EPC2: variants seen among roughly 807,000 people sequenced by gnomAD.
EPC2 encodes enhancer of polycomb homolog 2.
Under a neutral mutation model 92.1 loss-of-function variants are expected in EPC2, and 14 were observed. The ratio of observed to expected loss-of-function variants is 0.15; its 90% confidence interval spans 0.10 to 0.24. The LOEUF is 0.24. Among genes scored for constraint, EPC2 ranks in the 10% least tolerant of loss-of-function variants. EPC2 has a pLI of 1.00. For synonymous variants in EPC2, 340 were observed against 334.7 expected (o/e 1.02, Z -0.17); for missense variants, 755 against 971.5 (o/e 0.78, Z 2.96).
chr2:148,753,115 C>G (rs886722701), intron 3 of EPC2, among the ~76,000 whole-genome samples: 1 of 152,126 alleles, frequency 6.6e-6, no homozygotes, highest in Non-Finnish European at 1.5e-5. Flanking sequence ...TTGTCTTATC[C>G]GATCTCGAGG....
At position 148,775,640 on chromosome 2, in the gene EPC2, A is replaced by G. The variant is rs1038236078; in HGVS notation, c.1720+4253A>G. On this transcript the variant is annotated intron_variant, in intron 10 of 13. Transcript: ENST00000258484. The stretch of plus-strand genomic sequence containing the variant: ...TTATTTAAATTAAATATCTTTAATT[A>G]AATAAAATCTTTAAATAAAATTAAA... Among the ~76,000 whole-genome samples, 7 of 148,126 alleles carry G rather than the reference A, an allele frequency of 4.7e-5. No homozygotes were observed. The South Asian group carries it at 1.3e-3, about 26-fold the overall frequency.
chr2:148,744,496 A>G (rs904160554), intron 3 of EPC2, among the ~76,000 whole-genome samples: 1 of 152,112 alleles, frequency 6.6e-6, no homozygotes, highest in Non-Finnish European at 1.5e-5. Flanking sequence ...ACATTATATA[A>G]TATCAGATTT....
intron 1 of EPC2, among the ~76,000 whole-genome samples, chr2:148,653,716 T>A (rs190643244): frequency 1.6e-4 from 25 of 151,866 alleles, no homozygotes; most frequent in Middle Eastern, 6.8e-3. Flanking sequence ...TTTTTTTTTT[T>A]AAATGGGCTA....
At position 148,771,078 on chromosome 2, in the gene EPC2, C is replaced by T. The variant is rs1449980537; in HGVS notation, c.1411C>T (p.Pro471Ser). 6.2e-7 allele frequency: 1 copy of T among 1,611,194 alleles called. No individual in the cohort carries two copies. The highest frequency in any genetic ancestry group is 8.5e-7 in the Non-Finnish European group (1 of 1,178,644). The change falls in exon 10 of 14, where the codon CCA becomes TCA. Residue 471 changes from proline (P) to serine (S), a missense_variant. Pro to Ser is a moderately conservative substitution (Grantham distance 74). This residue lies in a region of EPC2 where 509 missense variants were observed against 607.7 expected (regional missense o/e 0.84). Coordinates refer to ENST00000258484, the MANE Select transcript of EPC2 (RefSeq NM_015630.4). ...GGACCGAATATCCACAGAACATGACCCAGTCCTGAAACAGATAGACCCTGA... is the reference window on the plus strand; with the variant it reads ...GGACCGAATATCCACAGAACATGACTCAGTCCTGAAACAGATAGACCCTGA... ...IMDRISTEHDPVLKQIDPEML... is the reference protein window; with the variant it reads ...IMDRISTEHDSVLKQIDPEML...
At chr2:148,782,505 C>G (rs962133730) in intron 11 of EPC2, among the ~76,000 whole-genome samples, 1 of 151,630 alleles carries the variant, frequency 6.6e-6, no homozygotes, top group Non-Finnish European at 1.5e-5. Context: ...CCACTGCACT[C>G]CAGCCTGGGT....
At chr2:148,708,750 A>G (rs1442052507) in intron 2 of EPC2, among the ~76,000 whole-genome samples, 3 of 152,198 alleles carry the variant, frequency 2.0e-5, no homozygotes, top group African/African-American at 7.2e-5. Flanking sequence ...AAACCACGTG[A>G]TTATCTCAGT....
chr2:148,776,856 C>T (rs1013519822), intron 10 of EPC2, among the ~76,000 whole-genome samples: 44 of 101,024 alleles, frequency 4.4e-4, no homozygotes, highest in Non-Finnish European at 8.1e-4. Flanking sequence ...GTCTCTCTCT[C>T]TTTTTTTTTT....
intron 7 of EPC2, among the ~76,000 whole-genome samples, chr2:148,767,456 A>G (rs554529572): frequency 1.3e-5 from 2 of 152,168 alleles, no homozygotes; most frequent in Non-Finnish European, 2.9e-5. Context: ...GTCTTAGACA[A>G]TCCTCATTAA....
intron 2 of EPC2, among the ~76,000 whole-genome samples, chr2:148,710,446 C>G (rs1001956428): frequency 3.9e-5 from 6 of 152,198 alleles, no homozygotes; most frequent in Admixed American, 2.6e-4. Context: ...TGTGGCAATT[C>G]CTCAAGGATC....
chr2:148,774,014 G>A (rs905067497), intron 10 of EPC2, among the ~76,000 whole-genome samples: 1 of 152,004 alleles, frequency 6.6e-6, no homozygotes, highest in Non-Finnish European at 1.5e-5. Flanking sequence ...GTTTTTAAGA[G>A]TAATAAGACA....
chr2:148,777,697 A>T (rs1216672717), intron 10 of EPC2, among the ~76,000 whole-genome samples: 1 of 152,162 alleles, frequency 6.6e-6, no homozygotes, highest in Non-Finnish European at 1.5e-5. Context: ...AGAGCACCAT[A>T]CAGGAACCAC....
chr2:148,681,272 C>T (rs546078592), intron 1 of EPC2, among the ~76,000 whole-genome samples: 25 of 151,534 alleles, frequency 1.6e-4, no homozygotes, highest in African/African-American at 5.8e-4. Flanking sequence ...TTTTTTTCCA[C>T]TTAGGATGGT....
chr2:148,682,520 T>A (rs1451815771), intron 1 of EPC2, among the ~76,000 whole-genome samples: 1 of 152,196 alleles, frequency 6.6e-6, no homozygotes, highest in Non-Finnish European at 1.5e-5. Flanking sequence ...AAACTAAATA[T>A]GTTTTGAAAA....
At chr2:148,767,605 A>G (rs1434438060) in intron 7 of EPC2, among the ~76,000 whole-genome samples, 1 of 152,230 alleles carries the variant, frequency 6.6e-6, no homozygotes, top group East Asian at 1.9e-4. Flanking sequence ...TAAAGTAATC[A>G]TATTTTTCTT....
At chr2:148,782,034 A>C (rs2105441030) in intron 11 of EPC2, among the ~76,000 whole-genome samples, 1 of 152,290 alleles carries the variant, frequency 6.6e-6, no homozygotes. Context: ...GAGAATTTAT[A>C]GAAGTAATTA....
rs770896107 is a variant in EPC2 at position 148,771,156 on chromosome 2, T to G, written c.1489T>G (p.Phe497Val). 2.5e-6 allele frequency: 4 copies of G among 1,614,020 alleles called. No homozygotes were observed. The highest frequency in any genetic ancestry group is 1.7e-4 in the Middle Eastern group (1 of 6,060). Residue 497 changes from phenylalanine (F) to valine (V), a missense_variant, in exon 10 of 14, where the codon TTC (phenylalanine) becomes GTC (valine). Transcript: ENST00000258484. ...SSQTIDFSSNFSRTNASSKHC... is the reference protein window; with the variant it reads ...SSQTIDFSSNVSRTNASSKHC... ...CCAAACTATAGACTTTTCTTCTAAT[T>G]TCTCTCGGACCAATGCTTCCAGTAA... is the stretch of plus-strand genomic sequence containing the variant.
At chr2:148,744,675 T>G (rs143962912) in intron 3 of EPC2, among the ~76,000 whole-genome samples, 1 of 152,256 alleles carries the variant, frequency 6.6e-6, no homozygotes, top group Admixed American at 6.5e-5. Flanking sequence ...TTTATCCTAT[T>G]TTTCTATGTT....
chr2:148,752,027 C>G (rs1215590390), intron 3 of EPC2, among the ~76,000 whole-genome samples: 2 of 152,112 alleles, frequency 1.3e-5, no homozygotes, highest in Non-Finnish European at 2.9e-5. Flanking sequence ...TAAGCTGGAG[C>G]AAGAAGCACC....
intron 1 of EPC2, among the ~76,000 whole-genome samples, chr2:148,683,007 T>C (rs926181216): frequency 2.0e-5 from 3 of 152,212 alleles, no homozygotes; most frequent in African/African-American, 7.2e-5. Context: ...CTGATTCTAT[T>C]TCTTACAAGT....
Sources: allele counts gnomAD v4.1 joint callset (sites outside exome capture counted in the v4.1 genomes callset), GRCh38; gene constraint gnomAD v4.1.1; regional missense constraint gnomAD v4.1.1; transcripts MANE v1.5; gene names NCBI Gene and HGNC (gene_info 2026-07-23, HGNC 2026-07-21).